Variants in CACHD1 observed in about 807,000 individuals in gnomAD.
CACHD1 encodes the protein cache domain containing 1.
Under a neutral mutation model 138.7 loss-of-function variants are expected in CACHD1, and 71 were observed. That is an observed-to-expected ratio of 0.51 (90% CI 0.42 to 0.62). The LOEUF is 0.62. CACHD1 is among the 20% of genes least tolerant of loss of function. The pLI is 0.00. For missense variants in CACHD1, 1,389 were observed against 1,625.3 expected (o/e 0.85, Z 2.50); for synonymous variants, 578 against 591.5 (o/e 0.98, Z 0.33).
intron 1 of CACHD1, among the ~76,000 whole-genome samples, chr1:64,541,025 C>T (rs944012164): frequency 2.0e-5 from 3 of 151,758 alleles, no homozygotes; most frequent in Admixed American, 6.6e-5. Flanking sequence ...CACGCACATA[C>T]GAATACTTAA....
At chr1:64,676,201 A>G (rs534661841) in intron 21 of CACHD1, among the ~76,000 whole-genome samples, 1 of 152,138 alleles carries the variant, frequency 6.6e-6, no homozygotes, top group Admixed American at 6.5e-5. Context: ...ACTGCTGTAA[A>G]AGTATTAAGA....
At chr1:64,552,314 A>G (rs1009278337) in intron 2 of CACHD1, among the ~76,000 whole-genome samples, 1 of 152,154 alleles carries the variant, frequency 6.6e-6, no homozygotes, top group African/African-American at 2.4e-5. Flanking sequence ...ATTTTTACCA[A>G]ATAACCTTGA....
chr1:64,542,954 A>G (rs1245535624), intron 1 of CACHD1, among the ~76,000 whole-genome samples: 5 of 151,872 alleles, frequency 3.3e-5, no homozygotes, highest in Non-Finnish European at 7.4e-5. Context: ...ATACATGGCA[A>G]CATTATGATA....
intron 14 of CACHD1, 49 bp downstream of exon 14, chr1:64,663,886 C>T: frequency 6.2e-7 from 1 of 1,609,854 alleles, no homozygotes. Flanking sequence ...TCCACAGGCC[C>T]AGCAGGGGGT....
intron 1 of CACHD1, among the ~76,000 whole-genome samples, chr1:64,523,152 G>A (rs1306616413): frequency 6.6e-6 from 1 of 152,196 alleles, no homozygotes; most frequent in Non-Finnish European, 1.5e-5. Context: ...ATTTTACAAA[G>A]AGTCCTTATC....
chr1:64,497,492 G>A (rs936273331), intron 1 of CACHD1, among the ~76,000 whole-genome samples: 1 of 152,090 alleles, frequency 6.6e-6, no homozygotes, highest in Non-Finnish European at 1.5e-5. Context: ...AAAGAATTAG[G>A]AGATTTCAAG....
chr1:64,472,224 C>CT (rs1420412870), intron 1 of CACHD1, among the ~76,000 whole-genome samples: 1 of 151,810 alleles, frequency 6.6e-6, no homozygotes, highest in Non-Finnish European at 1.5e-5. Flanking sequence ...TCCTTCTCTT[C>CT]TTTCTTCCTT....
At chr1:64,580,675 T>C (rs1647004858) in intron 2 of CACHD1, among the ~76,000 whole-genome samples, 1 of 152,206 alleles carries the variant, frequency 6.6e-6, no homozygotes, top group Admixed American at 6.5e-5. Flanking sequence ...TTTCAAGGTT[T>C]CTCATCTGGG....
chr1:64,598,097 C>T (rs548939497), intron 3 of CACHD1, among the ~76,000 whole-genome samples: 17 of 152,236 alleles, frequency 1.1e-4, no homozygotes, highest in African/African-American at 2.9e-4. Flanking sequence ...TTTATCCCTG[C>T]GTGTGGAGTC....
intron 8 of CACHD1, 81 bp downstream of exon 8, chr1:64,642,050 A>G: frequency 7.8e-7 from 1 of 1,276,440 alleles, no homozygotes; most frequent in Non-Finnish European, 1.0e-6. Flanking sequence ...AAAAAGAATC[A>G]TAACAGTGTG....
chr1:64,516,218 T>C (rs983989207), intron 1 of CACHD1, among the ~76,000 whole-genome samples: 1 of 152,204 alleles, frequency 6.6e-6, no homozygotes, highest in African/African-American at 2.4e-5. Flanking sequence ...ACATTTTCTT[T>C]TTTCTCCTGG....
intron 13 of CACHD1, among the ~76,000 whole-genome samples, chr1:64,662,320 G>A (rs1469950306): frequency 2.0e-5 from 3 of 152,166 alleles, no homozygotes; most frequent in South Asian, 2.1e-4. Context: ...TCAAGCATTA[G>A]CCTTTGAAAT....
chr1:64,657,679 C>G (rs995313172), intron 12 of CACHD1, among the ~76,000 whole-genome samples: 2 of 152,184 alleles, frequency 1.3e-5, no homozygotes, highest in African/African-American at 4.8e-5. Context: ...TACAACCATC[C>G]TCACAAATCC....
At chr1:64,590,033 C>T (rs551423812) in intron 3 of CACHD1, among the ~76,000 whole-genome samples, 3 of 152,102 alleles carry the variant, frequency 2.0e-5, no homozygotes, top group South Asian at 2.1e-4. Flanking sequence ...CTCAGCCGGG[C>T]GCAGTGGCTC....
At chr1:64,505,909 G>T (rs1646371906) in intron 1 of CACHD1, 1 of 42,464 alleles carries the variant, frequency 2.4e-5, no homozygotes, top group African/African-American at 6.0e-5. Context: ...CCGCCCGCTT[G>T]TCTCTCCCCT....
intron 1 of CACHD1, among the ~76,000 whole-genome samples, chr1:64,521,369 T>C (rs1213969999): frequency 6.6e-6 from 1 of 152,232 alleles, no homozygotes; most frequent in Non-Finnish European, 1.5e-5. Context: ...AAACTCTGCT[T>C]TTAAAAGGTT....
At chr1:64,532,756 C>G (rs750829080) in intron 1 of CACHD1, among the ~76,000 whole-genome samples, 7 of 152,128 alleles carry the variant, frequency 4.6e-5, no homozygotes, top group Non-Finnish European at 1.0e-4. Context: ...TGGCAAGAGA[C>G]TTAGAGTCTT....
At chr1:64,643,593 T>C (rs111631599) in intron 8 of CACHD1, among the ~76,000 whole-genome samples, 10,229 of 152,158 alleles carry the variant, frequency 0.067, 443 homozygotes, top group East Asian at 0.23. Context: ...TCCCAGCACT[T>C]TGGGAGGCCA....
chr1:64,478,930 T>A (rs957886123), intron 1 of CACHD1, among the ~76,000 whole-genome samples: 6 of 151,876 alleles, frequency 4.0e-5, no homozygotes, highest in African/African-American at 1.2e-4. Flanking sequence ...TGGGTGTCTG[T>A]TTTTTCCATA....
Sources: gnomAD v4.1 joint callset for allele counts (sites outside exome capture counted in the v4.1 genomes callset) on GRCh38, gnomAD v4.1.1 for gene constraint, MANE v1.5 for transcripts, NCBI Gene and HGNC (gene_info 2026-07-23, HGNC 2026-07-21) for gene names.